The following MAS1 variants were observed in gnomAD, a reference collection of about 807,000 sequenced individuals.
The protein encoded by MAS1 is MAS1 proto-oncogene, G protein-coupled receptor, also known as proto-oncogene Mas.
For missense variants in MAS1, 387 were observed against 409.7 expected, an observed-to-expected ratio of 0.94 and a Z score of 0.48; for synonymous variants, 163 against 164.2, an observed-to-expected ratio of 0.99 and a Z score of 0.05.
Position 159,906,967 on chromosome 6 carries a change from A to C in MAS1, c.12A>C (p.Ser4=), listed in dbSNP as rs766115651. The part of the protein sequence containing the change: MDG[S]NVTSFVVEEP... The stretch of plus-strand genomic sequence containing the variant: ...CCTGAGGCCTCCTCATGGATGGGTC[A>C]AACGTGACATCATTTGTTGTTGAGG... The change falls in exon 3 of 3, where the codon TCA becomes TCC. Residue 4 remains serine, a synonymous_variant. Coordinates refer to ENST00000674077, the MANE Select transcript of MAS1 (RefSeq NM_002377.4). 9 of 1,604,684 alleles carry C rather than the reference A, an allele frequency of 5.6e-6. No individual in the cohort carries two copies. In the Admixed American group the frequency reaches 6.7e-5, roughly 12 times the overall value.
intron 2 of MAS1, among the ~76,000 whole-genome samples, chr6:159,903,252 G>A (rs184003896): frequency 6.6e-5 from 10 of 152,000 alleles, no homozygotes; most frequent in Admixed American, 3.9e-4. Flanking sequence ...GTCCATCATC[G>A]TAGCCCTTCC....
rs1035548853 is a variant in MAS1, at chr6:159,913,498, G to C, written c.*5565G>C. On this transcript the variant is annotated 3_prime_UTR_variant, in exon 3 of 3. Coordinates refer to ENST00000674077, the MANE Select transcript of MAS1 (RefSeq NM_002377.4). ...GCGTCTCTTGTAGTTGTAGTGAGTT[G>C]TTGGCTGAGGCAGAAGCCACCTGAA... is the stretch of plus-strand genomic sequence containing the variant. 6.6e-6 allele frequency: 1 copy of C among 152,222 alleles called. No individual in the cohort carries two copies. The highest frequency in any genetic ancestry group is 2.4e-5 in the African/African-American group (1 of 41,458). The allele number at this position is 152,222 out of a possible 1,614,324, so 9.4% of individuals were successfully genotyped here.
At chr6:159,898,669 C>G (rs1361633031) in intron 1 of MAS1, among the ~76,000 whole-genome samples, 6 of 6,486 alleles carry the variant, frequency 9.3e-4, no homozygotes, top group East Asian at 8.9e-3. Context: ...CCTCCTCCTT[C>G]CTCTTCCTCC....
At chr6:159,906,861 T>A in intron 2 of MAS1, 59 bp from the exon 3 acceptor site, 1 of 1,327,904 alleles carries the variant, frequency 7.5e-7, no homozygotes, top group Non-Finnish European at 1.0e-6. Context: ...CTCCCTTTTA[T>A]TCCAATTCAA....
At chr6:159,897,216 A>G (rs1228713018) in intron 1 of MAS1, among the ~76,000 whole-genome samples, 1 of 152,034 alleles carries the variant, frequency 6.6e-6, no homozygotes, top group East Asian at 1.9e-4. Flanking sequence ...TGTGTAGGGC[A>G]CCAGGGAATG....
intron 1 of MAS1, among the ~76,000 whole-genome samples, chr6:159,896,364 A>C (rs922930016): frequency 6.6e-6 from 1 of 152,210 alleles, no homozygotes; most frequent in Non-Finnish European, 1.5e-5. Context: ...CTGAAGTCAT[A>C]CTTTTAGAGT....
intron 1 of MAS1, among the ~76,000 whole-genome samples, chr6:159,892,672 T>A (rs374689132): frequency 3.3e-5 from 5 of 152,100 alleles, no homozygotes; most frequent in African/African-American, 1.2e-4. Context: ...CCACCACCCA[T>A]CTGTTCCTCT....
intron 1 of MAS1, among the ~76,000 whole-genome samples, chr6:159,893,710 G>A (rs1782725500): frequency 6.6e-6 from 1 of 152,180 alleles, no homozygotes. Flanking sequence ...GTGTGTGTAT[G>A]TATGACTATA....
chr6:159,905,557 G>T (rs1330195340), intron 2 of MAS1, among the ~76,000 whole-genome samples: 2 of 152,156 alleles, frequency 1.3e-5, no homozygotes, highest in Non-Finnish European at 2.9e-5. Flanking sequence ...GCTACCTGCT[G>T]GTCCAGGGTC....
chr6:159,917,230 A>T lies in MAS1; in HGVS notation c.*9297A>T, dbSNP rs1783038387. 6.6e-6 allele frequency among the ~76,000 whole-genome samples: 1 copy of T among 152,192 alleles called. No individual in the cohort carries two copies. Among genetic ancestry groups the T allele is most frequent in the South Asian group, 2.1e-4 (1 of 4,826 alleles). ...CATCCTGACCCAAACCTGATGGATG[A>T]GATTGGTGTAAAGTGGAGAAATTCT... On this transcript the variant is annotated 3_prime_UTR_variant, in exon 3 of 3. Transcript: ENST00000674077.
In MAS1 at chr6:159,916,712, CCCACCTCAAA is replaced by C. The variant is rs767831868; in HGVS notation, c.*8782_*8791del. ...CAAAGACACGAGGCCAATTCAACAA[CCCACCTCAAA>C]CCTGTATTTGCAAGTGAGTGCAGAC... On this transcript the variant is annotated 3_prime_UTR_variant, in exon 3 of 3. Coordinates refer to ENST00000674077, the MANE Select transcript of MAS1 (RefSeq NM_002377.4). 6.4e-4 allele frequency among the ~76,000 whole-genome samples: 98 copies of C among 152,216 alleles called. No individual in the cohort carries two copies. Among genetic ancestry groups the C allele is most frequent in the Non-Finnish European group, 1.2e-3 (83 of 68,036 alleles).
At chr6:159,892,167 C>G (rs182201853) in intron 1 of MAS1, among the ~76,000 whole-genome samples, 1 of 152,150 alleles carries the variant, frequency 6.6e-6, no homozygotes, top group African/African-American at 2.4e-5. Context: ...GTGGGGAAGA[C>G]GGGAATGATG....
upstream of MAS1, among the ~76,000 whole-genome samples, chr6:159,890,681 GGT>G (rs1782687679): frequency 2.0e-5 from 3 of 152,316 alleles, no homozygotes; most frequent in Middle Eastern, 3.4e-3. Flanking sequence ...GCTTGGCAGA[GGT>G]CACATAACTT....
chr6:159,895,035 T>C (rs1273282077), intron 1 of MAS1, among the ~76,000 whole-genome samples: 1 of 152,186 alleles, frequency 6.6e-6, no homozygotes, highest in Non-Finnish European at 1.5e-5. Flanking sequence ...CTTTTAAGGA[T>C]CTTAATTACT....
chr6:159,899,707 C>A (rs1037106263), intron 2 of MAS1, among the ~76,000 whole-genome samples: 2 of 152,080 alleles, frequency 1.3e-5, no homozygotes, highest in Non-Finnish European at 2.9e-5. Flanking sequence ...CCACTGCACT[C>A]CAGTTTGGGC....
chr6:159,902,057 G>C (rs1477087000), intron 2 of MAS1: 1 of 152,080 alleles, frequency 6.6e-6, no homozygotes, highest in Non-Finnish European at 1.5e-5. Context: ...TTGAATCTAG[G>C]ATGAGCAAGC....
intron 1 of MAS1, among the ~76,000 whole-genome samples, chr6:159,898,151 C>A (rs763503230): frequency 2.6e-5 from 4 of 152,076 alleles, no homozygotes; most frequent in Admixed American, 6.6e-5. Flanking sequence ...CTCAGTCTCC[C>A]AAAGTGCTGG....
At chr6:159,900,655 T>C (rs1778862984) in intron 2 of MAS1, among the ~76,000 whole-genome samples, 2 of 152,232 alleles carry the variant, frequency 1.3e-5, no homozygotes. Context: ...AAAGTCTGCC[T>C]GAGTACTGTA....
At chr6:159,895,189 T>A (rs1171599604) in intron 1 of MAS1, among the ~76,000 whole-genome samples, 1 of 152,014 alleles carries the variant, frequency 6.6e-6, no homozygotes, top group East Asian at 1.9e-4. Flanking sequence ...GTGTGTATGT[T>A]GGGTGGGGCA....
Sources: allele counts gnomAD v4.1 joint callset (sites outside exome capture counted in the v4.1 genomes callset), GRCh38; gene constraint gnomAD v4.1.1; transcripts MANE v1.5; gene names NCBI Gene and HGNC (gene_info 2026-07-23, HGNC 2026-07-21).